NAV2: variants seen among roughly 807,000 people sequenced by gnomAD.
NAV2 encodes neuron navigator 2.
NAV2 carries 54 observed loss-of-function variants against 223.2 expected under a neutral mutation model. The ratio of observed to expected loss-of-function variants is 0.24; its 90% confidence interval spans 0.19 to 0.30. The LOEUF (loss-of-function observed/expected upper bound fraction) is 0.30. NAV2 is among the 10% of genes least tolerant of loss of function. NAV2 has a pLI of 1.00. For missense variants in NAV2, 2,806 were observed against 3,147.5 expected (o/e 0.89, Z 2.60); for synonymous variants, 1,279 against 1,239.3 (o/e 1.03, Z -0.67).
chr11:20,109,019 A>T (rs913464200), intron 36 of NAV2, among the ~76,000 whole-genome samples: 1 of 152,188 alleles, frequency 6.6e-6, no homozygotes, highest in African/African-American at 2.4e-5. Context: ...AGGCCTGTGG[A>T]GGGTGCAGGG....
chr11:19,636,116 T>C (rs2047492617), intron 1 of NAV2, among the ~76,000 whole-genome samples: 2 of 152,258 alleles, frequency 1.3e-5, no homozygotes, highest in Non-Finnish European at 2.9e-5. Flanking sequence ...TCAATAGATT[T>C]GGTCAGTACA....
rs192311355 is a variant in NAV2, at chr11:20,062,651, C to T, written c.4884+292C>T. Among the ~76,000 whole-genome samples, 5 of 152,264 alleles carry T rather than the reference C, an allele frequency of 3.3e-5. No homozygotes were observed. The East Asian group carries it at 9.7e-4, about 29-fold the overall frequency. On this transcript the variant is annotated intron_variant, in intron 20 of 37. Coordinates refer to ENST00000349880, the MANE Select transcript of NAV2 (RefSeq NM_145117.5). ...TGCTGATGGACTTGGAAAATAAAGG[C>T]CTTGAGCAATTTATTAATCCTTTGT...
At chr11:19,353,021 T>C (rs1395428955) in intron 1 of NAV2, among the ~76,000 whole-genome samples, 1 of 152,152 alleles carries the variant, frequency 6.6e-6, no homozygotes, top group East Asian at 1.9e-4. Context: ...GAAAGGCGAC[T>C]CTACAGTGTT....
intron 1 of NAV2, among the ~76,000 whole-genome samples, chr11:19,479,646 T>A (rs1392363753): frequency 6.6e-6 from 1 of 152,196 alleles, no homozygotes; most frequent in East Asian, 1.9e-4. Context: ...AGGTCTTTCA[T>A]AGAAAATATA....
intron 7 of NAV2, among the ~76,000 whole-genome samples, chr11:19,938,231 C>T (rs1034221069): frequency 3.3e-5 from 5 of 152,196 alleles, no homozygotes; most frequent in Admixed American, 6.5e-5. Flanking sequence ...CCACCGAAGA[C>T]AGTGATGTCA....
intron 1 of NAV2, among the ~76,000 whole-genome samples, chr11:19,692,643 G>A (rs2049211450): frequency 6.6e-6 from 1 of 152,168 alleles, no homozygotes; most frequent in South Asian, 2.1e-4. Flanking sequence ...TAATGCCTCA[G>A]TGTCCTTAAT....
chr11:19,609,464 AGGTGAAGGGAG>A (rs2135314295), intron 1 of NAV2, among the ~76,000 whole-genome samples: 1 of 152,312 alleles, frequency 6.6e-6, no homozygotes, highest in South Asian at 2.1e-4. Context: ...GAAGAAGAGC[AGGTGAAGGGAG>A]GGTGAAGGTA....
chr11:19,412,215 T>G (rs1850174496), intron 1 of NAV2, among the ~76,000 whole-genome samples: 1 of 152,170 alleles, frequency 6.6e-6, no homozygotes, highest in African/African-American at 2.4e-5. Context: ...GAAGTTGACC[T>G]GGGATGCTCA....
intron 1 of NAV2, among the ~76,000 whole-genome samples, chr11:19,656,717 T>C (rs1351286559): frequency 1.3e-5 from 2 of 152,126 alleles, no homozygotes; most frequent in African/African-American, 2.4e-5. Flanking sequence ...ACCCACTGAC[T>C]TGGAATCTAC....
chr11:19,997,785 G>A (rs1421882190), intron 11 of NAV2, among the ~76,000 whole-genome samples: 1 of 152,138 alleles, frequency 6.6e-6, no homozygotes. Flanking sequence ...TGACTAGTCG[G>A]TAGATCCAGC....
chr11:19,514,828 GC>G (rs55690122), intron 1 of NAV2, among the ~76,000 whole-genome samples: 44,752 of 152,126 alleles, frequency 0.29, 8,104 homozygotes, highest in South Asian at 0.4. Context: ...GATGGCTGCA[GC>G]CCAGGCAGGC....
rs201902908 is a variant in NAV2, at chr11:19,416,161, CT to C, written c.75+65138del. On this transcript the variant is annotated intron_variant, in intron 1 of 37. Coordinates refer to the NAV2 transcript ENST00000360655. ...AAAGAGAGGAAACCAAATTGTCTCT[CT>C]TTTCAGATGACATGATTGTATATTT... Among the ~76,000 whole-genome samples, 1,414 of 152,236 alleles carry C rather than the reference CT, an allele frequency of 9.3e-3. 17 individuals are homozygous for C. The highest frequency in any genetic ancestry group is 0.032 in the African/African-American group (1,334 of 41,542).
At position 19,533,620 on chromosome 11, in the gene NAV2, A is replaced by G. The variant is rs554897008; in HGVS notation, c.75+182593A>G. ...CCTCCTGGAAATATCACATACTGAAACCTTCTCTGAGACGTGCACTTTCTC... is the reference window on the plus strand; with the variant it reads ...CCTCCTGGAAATATCACATACTGAAGCCTTCTCTGAGACGTGCACTTTCTC... On this transcript the variant is annotated intron_variant, in intron 1 of 37. Coordinates refer to the NAV2 transcript ENST00000360655. Among the ~76,000 whole-genome samples, 42 of 150,564 alleles carry G rather than the reference A, an allele frequency of 2.8e-4. No homozygotes were observed. In the East Asian group the frequency reaches 7.7e-3, roughly 27 times the overall value.
At chr11:19,641,042 A>G (rs2047649487) in intron 1 of NAV2, among the ~76,000 whole-genome samples, 1 of 152,176 alleles carries the variant, frequency 6.6e-6, no homozygotes, top group African/African-American at 2.4e-5. Flanking sequence ...GGAGAGGCAG[A>G]GTTCAGCACC....
In NAV2 at chr11:19,897,886, T is replaced by TATATATA. The variant is rs1555129987; in HGVS notation, c.931+5292_931+5293insATATATA. Among the ~76,000 whole-genome samples the TATATATA allele has an allele frequency of 8.3e-4, 100 of 120,678 alleles. 6 individuals are homozygous for TATATATA. The highest frequency in any genetic ancestry group is 2.9e-3 in the African/African-American group (87 of 29,678). 79.2% of individuals were successfully genotyped at this position (120,678 alleles called of 152,430 possible). A position where few individuals can be genotyped will look rare whatever the true frequency, so the allele number is the denominator to read the frequency against. On this transcript the variant is annotated intron_variant, in intron 6 of 37. Coordinates refer to ENST00000349880, the MANE Select transcript of NAV2 (RefSeq NM_145117.5). ...GCCACAGCTGTGCCTGACCTGTGATTTATATATATATATATATATGTGAGC... is the reference window on the plus strand; with the variant it reads ...GCCACAGCTGTGCCTGACCTGTGATTATATATATATATATATATATATATATGTGAGC...
chr11:19,680,410 T>G (rs989731445), intron 1 of NAV2, among the ~76,000 whole-genome samples: 1 of 151,790 alleles, frequency 6.6e-6, no homozygotes, highest in Non-Finnish European at 1.5e-5. Flanking sequence ...CTGTTTATTG[T>G]TTTTAAGGGT....
chr11:19,526,759 C>G (rs938835690), intron 1 of NAV2, among the ~76,000 whole-genome samples: 1 of 152,164 alleles, frequency 6.6e-6, no homozygotes, highest in Non-Finnish European at 1.5e-5. Flanking sequence ...GCTTGGCAAC[C>G]CCTTAGGAAA....
chr11:20,107,619 C>T (rs1439433187), intron 35 of NAV2, 45 bp from the exon 36 acceptor site: 1 of 1,461,300 alleles, frequency 6.8e-7, no homozygotes, highest in South Asian at 1.1e-5. Flanking sequence ...TGCCCCATCA[C>T]CCATGCCCAT....
At chr11:20,040,341 G>C (rs1045609612) in intron 12 of NAV2, among the ~76,000 whole-genome samples, 4 of 152,192 alleles carry the variant, frequency 2.6e-5, no homozygotes, top group Non-Finnish European at 5.9e-5. Context: ...TCAGAGGCAG[G>C]AAAGTTGGTA....
Sources: allele counts gnomAD v4.1 joint callset (sites outside exome capture counted in the v4.1 genomes callset), GRCh38; gene constraint gnomAD v4.1.1; transcripts MANE v1.5; gene names NCBI Gene and HGNC (gene_info 2026-07-23, HGNC 2026-07-21).